The following PGBD4 variants were observed in gnomAD, a reference collection of about 807,000 sequenced individuals.
PGBD4 encodes the protein piggyBac transposable element-derived protein 4.
A neutral mutation model predicts 0.3 loss-of-function variants in PGBD4; 1 was observed. The ratio of observed to expected loss-of-function variants is 3.72; its 90% CI spans 1.32 to 17.64. The LOEUF (loss-of-function observed/expected upper bound fraction) is 17.64, where lower values mean the gene tolerates loss of function less well. Ranked by LOEUF, PGBD4 falls within the 30% of genes most tolerant of loss-of-function variation. PGBD4 has a pLI of 0.11. For missense variants in PGBD4, 624 were observed against 719.7 expected, an observed-to-expected ratio of 0.87 and a Z score of 1.52; for synonymous variants, 253 against 267.7, an observed-to-expected ratio of 0.95 and a Z score of 0.54.
rs1380282079 is a variant in PGBD4, at chr15:34,105,189, A to G, written c.*900A>G. ...AAGACAATTTATCTGATGCTACACT[A>G]TTCTTCCTGTTGTGATTGTTTTACT... is the stretch of plus-strand genomic sequence containing the variant. On this transcript the variant is annotated 3_prime_UTR_variant, in exon 1 of 1. Transcript: ENST00000397766. 6.0e-6 allele frequency: 1 copy of G among 167,102 alleles called. No homozygotes were observed. Among genetic ancestry groups the G allele is most frequent in the Non-Finnish European group, 1.5e-5 (1 of 68,124 alleles). The allele number at this position is 167,102 out of a possible 1,614,324, so 10.4% of individuals were successfully genotyped here. A position where few individuals can be genotyped will look rare whatever the true frequency, so the allele number is the denominator to read the frequency against.
chr15:34,103,213 C>A lies in PGBD4; in HGVS notation c.682C>A (p.Pro228Thr). 6.2e-7 allele frequency: 1 copy of A among 1,614,102 alleles called. No homozygotes were observed. Among genetic ancestry groups the A allele is most frequent in the Non-Finnish European group, 8.5e-7 (1 of 1,180,042 alleles). ...CCAGATTTCATTGCAGAAGATCAAA[C>A]CTGTGTTCGACTTTCTTGTAAATAA... ...KAQISLQKIKPVFDFLVNKFS... is the reference protein window; with the variant it reads ...KAQISLQKIKTVFDFLVNKFS... Residue 228 changes from proline (P) to threonine (T), a missense_variant, in exon 1 of 1, where the codon CCT becomes ACT. By Grantham distance (38) the Pro-to-Thr change is conservative (BLOSUM62 -1). Coordinates refer to ENST00000397766, the MANE Select transcript of PGBD4 (RefSeq NM_152595.5). This position sits in a 1 kb window ranked among gnomAD's most constrained non-coding sequence, Gnocchi z 4.6.
Position 34,108,663 on chromosome 15 carries a change from G to A in PGBD4, c.*4374G>A, listed in dbSNP as rs1347696443. The A allele has an allele frequency of 6.7e-6, 1 of 150,328 alleles. No homozygotes were observed. The highest frequency in any genetic ancestry group is 1.9e-4 in the East Asian group (1 of 5,140). 9.3% of individuals were successfully genotyped at this position (150,328 alleles called of 1,614,324 possible). On this transcript the variant is annotated 3_prime_UTR_variant, in exon 1 of 1. Coordinates refer to ENST00000397766, the MANE Select transcript of PGBD4 (RefSeq NM_152595.5). ...AAATTGCAAAATTTAGAAATATGCT[G>A]AAATAAAAACAGCTTCATCCCAAGT...
rs1163350234 is a variant in PGBD4, at chr15:34,102,262, T to G, written c.-270T>G. The G allele has an allele frequency of 8.0e-6, 4 of 499,990 alleles. No homozygotes were observed. The highest frequency in any genetic ancestry group is 6.2e-5 in the South Asian group (2 of 32,358). The allele number at this position is 499,990 out of a possible 1,614,324, so 31.0% of individuals were successfully genotyped here. A position where few individuals can be genotyped will look rare whatever the true frequency, so the allele number is the denominator to read the frequency against. On this transcript the variant is annotated 5_prime_UTR_variant, in exon 1 of 1. Transcript: ENST00000397766. The surrounding 1 kb of genome is among the most constrained non-coding windows in gnomAD (Gnocchi z 4.7). Reference sequence around the variant, plus strand: ...CCCAAGACGTATGAGATGAAAGGCTTCTTCTGTCTGTGTGCGTTTAACTCA... The same window carrying G: ...CCCAAGACGTATGAGATGAAAGGCTGCTTCTGTCTGTGTGCGTTTAACTCA...
In PGBD4 at chr15:34,104,955, T is replaced by C. The variant is rs969612403; in HGVS notation, c.*666T>C. 1 of 154,460 alleles carries C rather than the reference T, an allele frequency of 6.5e-6. No individual in the cohort carries two copies. The highest frequency in any genetic ancestry group is 1.5e-5 in the Non-Finnish European group (1 of 68,014). 9.6% of individuals were successfully genotyped at this position (154,460 alleles called of 1,614,324 possible). A position where few individuals can be genotyped will look rare whatever the true frequency, so the allele number is the denominator to read the frequency against. On this transcript the variant is annotated 3_prime_UTR_variant, in exon 1 of 1. Transcript: ENST00000397766. ...CCACTGCGCCTAGCACCAAGAACAGTTTTTATATTTTATTTTCACATTGAA... is the reference window on the plus strand; with the variant it reads ...CCACTGCGCCTAGCACCAAGAACAGCTTTTATATTTTATTTTCACATTGAA...
rs1450248953 is a variant in PGBD4 at position 34,103,992 on chromosome 15, G to T, written c.1461G>T (p.Leu487=). Residue 487 remains leucine (L), a synonymous_variant, in exon 1 of 1, where the codon CTG becomes CTT. Transcript: ENST00000397766. The surrounding 1 kb of genome is among the most constrained non-coding windows in gnomAD (Gnocchi z 4.6). ...EHTMSHINFR[L]ALIERMLEKH... is the part of the protein sequence containing the mutation. ...CGATGAGCCATATAAACTTCAGACT[G>T]GCATTGATTGAAAGAATGCTGGAAA... 2 of 1,614,044 alleles carry T rather than the reference G, an allele frequency of 1.2e-6. No individual in the cohort carries two copies. The highest frequency in any genetic ancestry group is 1.7e-6 in the Non-Finnish European group (2 of 1,179,970).
chr15:34,108,621 T>C lies in PGBD4; in HGVS notation c.*4332T>C, dbSNP rs1263625893. 6.6e-6 allele frequency: 1 copy of C among 152,168 alleles called. No individual in the cohort carries two copies. Among genetic ancestry groups the C allele is most frequent in the Non-Finnish European group, 1.5e-5 (1 of 68,042 alleles). 9.4% of individuals were successfully genotyped at this position (152,168 alleles called of 1,614,324 possible). A position where few individuals can be genotyped will look rare whatever the true frequency, so the allele number is the denominator to read the frequency against. On this transcript the variant is annotated 3_prime_UTR_variant, in exon 1 of 1. Transcript: ENST00000397766. ...CTAAACTATTAATAAAATTTTACTT[T>C]TCAAAAATGATTTCAAAAATTGCAA...
rs2140874343 is a variant in PGBD4 at position 34,103,099 on chromosome 15, C to A, written c.568C>A (p.Gln190Lys). The change falls in exon 1 of 1, where the codon CAA becomes AAA. Residue 190 changes from glutamine to lysine, a missense_variant. By Grantham distance (53) the Gln-to-Lys change is moderately conservative. Transcript: ENST00000397766. The surrounding 1 kb of genome is among the most constrained non-coding windows in gnomAD (Gnocchi z 4.6). ...RPLLDTPYLRQIMTGERFLLL... is the reference protein window; with the variant it reads ...RPLLDTPYLRKIMTGERFLLL... Reference sequence around the variant, plus strand: ...TCTTTTGGATACACCTTATCTCAGGCAAATTATGACTGGTGAAAGATTTTT... The same window carrying A: ...TCTTTTGGATACACCTTATCTCAGGAAAATTATGACTGGTGAAAGATTTTT... The A allele has an allele frequency of 3.1e-6, 5 of 1,613,878 alleles. No individual in the cohort carries two copies. In the South Asian group the frequency reaches 5.5e-5, roughly 18 times the overall value.
rs186818346 is a variant in PGBD4, at chr15:34,105,368, G to T, written c.*1079G>T. The T allele has an allele frequency of 1.6e-4, 27 of 167,238 alleles. No individual in the cohort carries two copies. Among genetic ancestry groups the T allele is most frequent in the Non-Finnish European group, 2.6e-4 (18 of 68,134 alleles). 10.4% of individuals were successfully genotyped at this position (167,238 alleles called of 1,614,324 possible). ...GTGAAGTGACTTGCCCAAGATCTTT[G>T]TTGGCCCTAAACATCGCTGTCTCTG... On this transcript the variant is annotated 3_prime_UTR_variant, in exon 1 of 1. Coordinates refer to ENST00000397766, the MANE Select transcript of PGBD4 (RefSeq NM_152595.5).
chr15:34,102,725 C>T lies in PGBD4; in HGVS notation c.194C>T (p.Thr65Ile), dbSNP rs73374372. The T allele has an allele frequency of 3.6e-3, 5,879 of 1,614,098 alleles. 196 individuals are homozygous for T. In the African/African-American group the frequency reaches 0.071, roughly 19 times the overall value. The change falls in exon 1 of 1, where the codon ACA becomes ATA. Residue 65 changes from threonine (T) to isoleucine (I), a missense_variant. Coordinates refer to ENST00000397766, the MANE Select transcript of PGBD4 (RefSeq NM_152595.5). This position sits in a 1 kb window ranked among gnomAD's most constrained non-coding sequence, Gnocchi z 4.7. ...TTAGAATCTGATGGAAAGAGCTCTA[C>T]ATCAAGTGACTCAGGGCGCTCCATG... ...SHLESDGKSS[T>I]SSDSGRSMKW...
Position 34,102,849 on chromosome 15 carries a change from G to GAAAA in PGBD4, c.318_319insAAAA (p.Tyr107LysfsTer4). 6.2e-7 allele frequency: 1 copy of GAAAA among 1,614,164 alleles called. No homozygotes were observed. The highest frequency in any genetic ancestry group is 8.5e-7 in the Non-Finnish European group (1 of 1,180,038). ...TCAGTGATATCACTGACCCATTGCA[G>GAAAA]TATTTTGAACTGTTCTTTACTGAGG... On this transcript the variant is annotated frameshift_variant, in exon 1 of 1. Coordinates refer to ENST00000397766, the MANE Select transcript of PGBD4 (RefSeq NM_152595.5). LOFTEE classifies it low-confidence loss of function (END_TRUNC). This position sits in a 1 kb window ranked among gnomAD's most constrained non-coding sequence, Gnocchi z 4.7.
At position 34,102,687 on chromosome 15, in the gene PGBD4, G is replaced by T. The variant is rs768101609; in HGVS notation, c.156G>T (p.Arg52Ser). The T allele has an allele frequency of 9.9e-6, 16 of 1,613,944 alleles. No individual in the cohort carries two copies. The highest frequency in any genetic ancestry group is 1.2e-5 in the Non-Finnish European group (14 of 1,180,044). ...GTGCTTTAGAAGCCGATAAGATCAG[G>T]CCTCTGTCCCATTTAGAATCTGATG... ...SDSALEADKI[R>S]PLSHLESDGK... The change falls in exon 1 of 1, where the codon AGG (arginine) becomes AGT (serine). Residue 52 changes from arginine to serine, a missense_variant. By Grantham distance (110) the Arg-to-Ser change is moderately radical (BLOSUM62 -1). Transcript: ENST00000397766. This position sits in a 1 kb window ranked among gnomAD's most constrained non-coding sequence, Gnocchi z 4.7.
Position 34,105,407 on chromosome 15 carries a change from T to C in PGBD4, c.*1118T>C, listed in dbSNP as rs55816157. The stretch of plus-strand genomic sequence containing the variant: ...TCGCTGTCTCTGCTACAGATTCCTA[T>C]TGAGAGCAATGCATGTTTTAGCCTT... On this transcript the variant is annotated 3_prime_UTR_variant, in exon 1 of 1. Coordinates refer to ENST00000397766, the MANE Select transcript of PGBD4 (RefSeq NM_152595.5). The C allele has an allele frequency of 6.0e-6, 1 of 167,086 alleles. No homozygotes were observed. The highest frequency in any genetic ancestry group is 1.5e-5 in the Non-Finnish European group (1 of 68,128). 10.4% of individuals were successfully genotyped at this position (167,086 alleles called of 1,614,324 possible).
Position 34,104,569 on chromosome 15 carries a change from C to G in PGBD4, c.*280C>G. On this transcript the variant is annotated 3_prime_UTR_variant, in exon 1 of 1. Transcript: ENST00000397766. ...AGTGAGCTGAGATCACACCACTGCA[C>G]TCCAGCCTGGGTGACATAGCGAGAC... is the stretch of plus-strand genomic sequence containing the variant. 1 of 379,200 alleles carries G rather than the reference C, an allele frequency of 2.6e-6. No individual in the cohort carries two copies. The highest frequency in any genetic ancestry group is 4.7e-6 in the Non-Finnish European group (1 of 212,512). 23.5% of individuals were successfully genotyped at this position (379,200 alleles called of 1,614,324 possible).
In PGBD4 at chr15:34,103,443, A is replaced by G. The variant is rs1277213099; in HGVS notation, c.912A>G (p.Ser304=). The G allele has an allele frequency of 1.4e-5, 22 of 1,614,136 alleles. No individual in the cohort carries two copies. The highest frequency in any genetic ancestry group is 1.6e-4 in the Middle Eastern group (1 of 6,084). The change falls in exon 1 of 1, where the codon TCA becomes TCG. Residue 304 remains serine (S), a synonymous_variant. Coordinates refer to ENST00000397766, the MANE Select transcript of PGBD4 (RefSeq NM_152595.5). This position sits in a 1 kb window ranked among gnomAD's most constrained non-coding sequence, Gnocchi z 4.6. ...HTGPGMNLKD[S]ADGLKSSRIV... is the part of the protein sequence containing the mutation. ...GGCCTGGCATGAATTTGAAAGATTC[A>G]GCGGATGGCCTGAAATCATCACGCA...
chr15:34,107,291 G>A lies in PGBD4; in HGVS notation c.*3002G>A, dbSNP rs935694474. 6.6e-6 allele frequency: 1 copy of A among 151,964 alleles called. No individual in the cohort carries two copies. Among genetic ancestry groups the A allele is most frequent in the Admixed American group, 6.6e-5 (1 of 15,240 alleles). The allele number at this position is 151,964 out of a possible 1,614,324, so 9.4% of individuals were successfully genotyped here. On this transcript the variant is annotated 3_prime_UTR_variant, in exon 1 of 1. Transcript: ENST00000397766. ...TTATTCGTACATAAAAAGCTTCATAGTTCCTTTTTATGGCTGCAAAATGTT... is the reference window on the plus strand; with the variant it reads ...TTATTCGTACATAAAAAGCTTCATAATTCCTTTTTATGGCTGCAAAATGTT...
chr15:34,107,343 A>G lies in PGBD4; in HGVS notation c.*3054A>G, dbSNP rs1260903797. ...CAGCTTATGGATGGACTGATTCTCT[A>G]TCGAGCAACATTAAGATTGTGTCCT... is the stretch of plus-strand genomic sequence containing the variant. On this transcript the variant is annotated 3_prime_UTR_variant, in exon 1 of 1. Transcript: ENST00000397766. The G allele has an allele frequency of 6.6e-6, 1 of 152,186 alleles. No homozygotes were observed. Among genetic ancestry groups the G allele is most frequent in the Non-Finnish European group, 1.5e-5 (1 of 68,038 alleles). The allele number at this position is 152,186 out of a possible 1,614,324, so 9.4% of individuals were successfully genotyped here.
Position 34,104,224 on chromosome 15 carries a change from G to C in PGBD4, c.1693G>C (p.Glu565Gln). 1 of 1,614,130 alleles carries C rather than the reference G, an allele frequency of 6.2e-7. No individual in the cohort carries two copies. Residue 565 changes from glutamate to glutamine, a missense_variant, in exon 1 of 1, where the codon GAA becomes CAA. Physicochemically the swap from Glu to Gln is conservative, Grantham distance 29. Transcript: ENST00000397766. ...IRKETRYFCA[E>Q]CDVPLCVVPC... The stretch of plus-strand genomic sequence containing the variant: ...GAAAGAAACGCGCTATTTTTGTGCC[G>C]AATGTGATGTTCCGCTTTGTGTTGT...
Position 34,107,272 on chromosome 15 carries a change from G to A in PGBD4, c.*2983G>A, listed in dbSNP as rs977148703. 1.4e-4 allele frequency: 21 copies of A among 151,514 alleles called. No individual in the cohort carries two copies. The highest frequency in any genetic ancestry group is 2.4e-4 in the Non-Finnish European group (16 of 67,944). 9.4% of individuals were successfully genotyped at this position (151,514 alleles called of 1,614,324 possible). A position where few individuals can be genotyped will look rare whatever the true frequency, so the allele number is the denominator to read the frequency against. On this transcript the variant is annotated 3_prime_UTR_variant, in exon 1 of 1. Transcript: ENST00000397766. ...ATATCTTGGAAATCATCCTTTATTC[G>A]TACATAAAAAGCTTCATAGTTCCTT...
chr15:34,103,798 G>A lies in PGBD4; in HGVS notation c.1267G>A (p.Asp423Asn), dbSNP rs1159020710. ...AACTAAAAGGCCACGTGTCATTGTG[G>A]ATTATAACGAGAATATGGGAGCAGT... ...KKTKRPRVIV[D>N]YNENMGAVDS... The change falls in exon 1 of 1, where the codon GAT becomes AAT. Residue 423 changes from aspartate (D) to asparagine (N), a missense_variant. By Grantham distance (23) the Asp-to-Asn change is conservative. Transcript: ENST00000397766. This position sits in a 1 kb window ranked among gnomAD's most constrained non-coding sequence, Gnocchi z 4.6. 1 of 1,614,138 alleles carries A rather than the reference G, an allele frequency of 6.2e-7. No individual in the cohort carries two copies. Among genetic ancestry groups the A allele is most frequent in the Non-Finnish European group, 8.5e-7 (1 of 1,180,026 alleles).
Sources: gnomAD v4.1 joint callset for allele counts on GRCh38, gnomAD v4.1.1 for gene constraint, Gnocchi (gnomAD v3.1) non-coding constraint, MANE v1.5 for transcripts, NCBI Gene and HGNC (gene_info 2026-07-23, HGNC 2026-07-21) for gene names.